ATP2B4: variants seen among roughly 807,000 people sequenced by gnomAD.
ATP2B4 encodes plasma membrane calcium-transporting ATPase 4.
Under a neutral mutation model 110.3 loss-of-function variants are expected in ATP2B4, and 39 were observed. That is an observed-to-expected ratio of 0.35 (90% CI 0.27 to 0.46). ATP2B4 has a LOEUF of 0.46. Ranked by LOEUF, ATP2B4 falls within the 20% of genes least tolerant of loss-of-function variation. The probability of loss-of-function intolerance (pLI) is 1.00; values close to 1 mark genes in which losing one functional copy is unlikely to be tolerated. For synonymous variants in ATP2B4, 538 were observed against 571.7 expected, an observed-to-expected ratio of 0.94 and a Z score of 0.84; for missense variants, 1,135 against 1,530.9, an observed-to-expected ratio of 0.74 and a Z score of 4.32.
intron 1 of ATP2B4, among the ~76,000 whole-genome samples, chr1:203,630,347 TTC>T (rs61003306): frequency 0.013 from 1,316 of 101,856 alleles, 35 homozygotes; most frequent in African/African-American, 0.038. Context: ...GAAACCCCTT[TTC>T]TCTCTCTCTC....
chr1:203,731,849 C>CAGA (rs1553251872), intron 20 of ATP2B4, among the ~76,000 whole-genome samples: 1 of 51,066 alleles, frequency 2.0e-5, no homozygotes, highest in African/African-American at 9.0e-5. Context: ...GACTCTGTCT[C>CAGA]AAAAAAAAAA....
At chr1:203,665,154 A>G (rs1339597519) in intron 1 of ATP2B4, among the ~76,000 whole-genome samples, 1 of 152,208 alleles carries the variant, frequency 6.6e-6, no homozygotes, top group African/African-American at 2.4e-5. Flanking sequence ...AAAGGTGAAT[A>G]TAGCCCACAG....
intron 20 of ATP2B4, among the ~76,000 whole-genome samples, chr1:203,735,002 C>CAAAAAAAAAAAAAAAAAAAAAAAAA (rs35552196): frequency 1.8e-5 from 1 of 57,132 alleles, no homozygotes. Context: ...GACTCCATCT[C>CAAAAAAAAAAAAAAAAAAAAAAAAA]AAAAAAAAAA....
In ATP2B4 at chr1:203,721,259, A is replaced by T; in HGVS notation, c.2661A>T (p.Ser887=). Residue 887 remains serine, a synonymous_variant, in exon 17 of 21, where the codon TCA becomes TCT. Coordinates refer to ENST00000357681, the MANE Select transcript of ATP2B4 (RefSeq NM_001684.5). ...ATCTGATCATGGACACTTTTGCTTC[A>T]TTGGCCCTGGCCACAGAGCCCCCTA... The part of the protein sequence containing the change: ...WVNLIMDTFA[S]LALATEPPTE... 6.2e-7 allele frequency: 1 copy of T among 1,614,214 alleles called. No homozygotes were observed. Among genetic ancestry groups the T allele is most frequent in the Non-Finnish European group, 8.5e-7 (1 of 1,180,032 alleles).
chr1:203,722,424 T>G (rs1666364472), intron 17 of ATP2B4, 54 bp from the exon 18 acceptor site: 3 of 1,394,914 alleles, frequency 2.2e-6, no homozygotes, highest in Non-Finnish European at 3.1e-6. Flanking sequence ...CAACACATTC[T>G]TACTCTTAGT....
chr1:203,695,511 GC>G lies in ATP2B4; in HGVS notation c.194-2642del, dbSNP rs899399164. On this transcript the variant is annotated intron_variant, in intron 2 of 20. Coordinates refer to ENST00000357681, the MANE Select transcript of ATP2B4 (RefSeq NM_001684.5). Reference sequence around the variant, plus strand: ...TCACAGCTCTGCGGGGCTCAGCTGTGCCCCTAAGCTGGAGGCCAGGGTGATG... The same window carrying G: ...TCACAGCTCTGCGGGGCTCAGCTGTGCCCTAAGCTGGAGGCCAGGGTGATG... Among the ~76,000 whole-genome samples the G allele has an allele frequency of 1.2e-3, 181 of 152,284 alleles. 1 individual carries two copies. The highest frequency in any genetic ancestry group is 4.0e-3 in the African/African-American group (165 of 41,560).
chr1:203,680,133 C>G (rs1302933145), intron 1 of ATP2B4, among the ~76,000 whole-genome samples: 1 of 151,344 alleles, frequency 6.6e-6, no homozygotes, highest in African/African-American at 2.4e-5. Context: ...GACCCAAGAC[C>G]CTATATGCTG....
At chr1:203,706,324 C>T (rs1329634566) in intron 8 of ATP2B4, among the ~76,000 whole-genome samples, 1 of 152,206 alleles carries the variant, frequency 6.6e-6, no homozygotes, top group Non-Finnish European at 1.5e-5. Context: ...CTTCCCAGTA[C>T]TTTCATTTCC....
At chr1:203,651,879 G>A (rs112313610) in intron 1 of ATP2B4, among the ~76,000 whole-genome samples, 4 of 151,576 alleles carry the variant, frequency 2.6e-5, no homozygotes, top group South Asian at 2.1e-4. Context: ...CCAACATGGT[G>A]AAACCCCGTC....
In ATP2B4 at chr1:203,698,258, G is replaced by C. The variant is rs765229515; in HGVS notation, c.295G>C (p.Glu99Gln). ...KPKTFLELVW[E>Q]ALQDVTLIIL... is the part of the protein sequence containing the mutation. ...CAAGACTTTCTTAGAATTAGTGTGGGAAGCTCTTCAAGATGTCACGCTTAT... is the reference window on the plus strand; with the variant it reads ...CAAGACTTTCTTAGAATTAGTGTGGCAAGCTCTTCAAGATGTCACGCTTAT... The change falls in exon 3 of 21, where the codon GAA becomes CAA. Residue 99 changes from glutamate (E) to glutamine (Q), a missense_variant. Physicochemically the swap from Glu to Gln is conservative, Grantham distance 29. This residue lies in a region of ATP2B4 where 122 missense variants were observed against 125.2 expected (regional missense o/e 0.97). Coordinates refer to ENST00000357681, the MANE Select transcript of ATP2B4 (RefSeq NM_001684.5). 13 of 1,614,030 alleles carry C rather than the reference G, an allele frequency of 8.1e-6. No homozygotes were observed. In the Admixed American group the frequency reaches 2.2e-4, roughly 27 times the overall value.
intron 9 of ATP2B4, 139 bp from the exon 10 acceptor site, chr1:203,707,723 A>G: frequency 8.4e-7 from 1 of 1,195,186 alleles, no homozygotes; most frequent in Non-Finnish European, 1.2e-6. Context: ...GAATCACTGC[A>G]CCCAGTCAGT....
At chr1:203,700,479 A>G in intron 5 of ATP2B4, 148 bp downstream of exon 5, 1 of 1,157,292 alleles carries the variant, frequency 8.6e-7, no homozygotes, top group Non-Finnish European at 1.2e-6. Context: ...GTGGAATACA[A>G]GGATATCAGG....
chr1:203,676,968 T>A (rs1664847296), intron 1 of ATP2B4, among the ~76,000 whole-genome samples: 1 of 152,134 alleles, frequency 6.6e-6, no homozygotes, highest in Non-Finnish European at 1.5e-5. Context: ...AAGGGACAGA[T>A]GGGTTTATGT....
At chr1:203,721,513 A>G in intron 17 of ATP2B4, 103 bp downstream of exon 17, 2 of 1,164,920 alleles carry the variant, frequency 1.7e-6, no homozygotes, top group Non-Finnish European at 2.5e-6. Context: ...GAATAAGCGC[A>G]GCTTCACCTC....
intron 1 of ATP2B4, among the ~76,000 whole-genome samples, chr1:203,645,632 C>T (rs1198541234): frequency 3.3e-5 from 5 of 150,192 alleles, no homozygotes; most frequent in Non-Finnish European, 7.4e-5. Context: ...TACTCTGTCA[C>T]CCAGGCTGGA....
chr1:203,654,577 A>G (rs1206917372), intron 1 of ATP2B4, among the ~76,000 whole-genome samples: 5 of 152,160 alleles, frequency 3.3e-5, no homozygotes, highest in Non-Finnish European at 7.4e-5. Flanking sequence ...GAAAGAATCC[A>G]CCATTCTAGA....
At chr1:203,729,232 T>C (rs1666617865) in intron 20 of ATP2B4, among the ~76,000 whole-genome samples, 1 of 151,212 alleles carries the variant, frequency 6.6e-6, no homozygotes, top group Admixed American at 6.6e-5. Context: ...TTATCCCCTA[T>C]AGGCAAGACA....
Position 203,739,779 on chromosome 1 carries a change from CAA to C in ATP2B4, c.3544_3545del (p.Asn1182CysfsTer67). The C allele has an allele frequency of 1.2e-6, 2 of 1,614,210 alleles. No individual in the cohort carries two copies. The highest frequency in any genetic ancestry group is 2.2e-5 in the South Asian group (2 of 91,086). Reference protein sequence around the residue: ...EVTPYANTNNNAVDCNQVQLP... With the variant: ...EVTPYANTNNXAVDCNQVQLP... ...TCACTCCATATGCCAATACAAACAA[CAA>C]TGCGGTGGATTGCAACCAAGTGCAG... On this transcript the variant is annotated frameshift_variant, in exon 21 of 21. Coordinates refer to ENST00000357681, the MANE Select transcript of ATP2B4 (RefSeq NM_001684.5). LOFTEE classifies it high-confidence loss of function.
intron 2 of ATP2B4, among the ~76,000 whole-genome samples, chr1:203,683,666 C>CTT (rs11326748): frequency 0.011 from 881 of 77,648 alleles, no homozygotes; most frequent in Middle Eastern, 0.027. Context: ...TCTTTTGTTT[C>CTT]TTTTTTTTTT....
Sources: allele counts gnomAD v4.1 joint callset (sites outside exome capture counted in the v4.1 genomes callset), GRCh38; gene constraint gnomAD v4.1.1; regional missense constraint gnomAD v4.1.1; transcripts MANE v1.5; gene names NCBI Gene and HGNC (gene_info 2026-07-23, HGNC 2026-07-21).